Variants in HPSE2 observed in about 807,000 individuals in gnomAD.
HPSE2 encodes the protein heparanase 2 (inactive), also known as inactive heparanase-2.
HPSE2 carries 38 observed loss-of-function variants against 60.5 expected under a neutral mutation model. That is an observed-to-expected ratio of 0.63 (90% CI 0.48 to 0.82). HPSE2 has a LOEUF of 0.82. Among genes scored for constraint, HPSE2 ranks in the 40% least tolerant of loss-of-function variants. The pLI is 0.00. For synonymous variants in HPSE2, 295 were observed against 293.2 expected, an observed-to-expected ratio of 1.01 and a Z score of -0.06; for missense variants, 713 against 740.4, an observed-to-expected ratio of 0.96 and a Z score of 0.43.
chr10:98,521,813 A>T (rs1199675893), intron 9 of HPSE2, among the ~76,000 whole-genome samples: 1 of 152,208 alleles, frequency 6.6e-6, no homozygotes, highest in Non-Finnish European at 1.5e-5. Context: ...ATAAAAAAGG[A>T]TGAGTTCATG....
chr10:99,065,896 T>C (rs1305689350), intron 3 of HPSE2, among the ~76,000 whole-genome samples: 3 of 151,604 alleles, frequency 2.0e-5, no homozygotes, highest in Non-Finnish European at 4.4e-5. Flanking sequence ...TCATTTGGAA[T>C]ACTATTTCCC....
At chr10:99,005,344 CTTTTT>C (rs1285392296) in intron 3 of HPSE2, among the ~76,000 whole-genome samples, 1 of 152,006 alleles carries the variant, frequency 6.6e-6, no homozygotes, top group Non-Finnish European at 1.5e-5. Context: ...CACTCCTTTT[CTTTTT>C]AATTTTTATC....
In HPSE2 at chr10:98,641,779, AC is replaced by A. The variant is rs980882850; in HGVS notation, c.1098+67del. The A allele has an allele frequency of 3.4e-6, 4 of 1,185,984 alleles. No individual in the cohort carries two copies. In the African/African-American group the frequency reaches 6.0e-5, roughly 18 times the overall value. 73.5% of individuals were successfully genotyped at this position (1,185,984 alleles called of 1,614,324 possible). ...CCCACAGTGCTGATGCCCAGCTGGG[AC>A]TTTGTGTCTTTTTCCTTGTCTTACC... On this transcript the variant is annotated intron_variant, in intron 7 of 11. Coordinates refer to ENST00000370552, the MANE Select transcript of HPSE2 (RefSeq NM_021828.5).
intron 7 of HPSE2, among the ~76,000 whole-genome samples, chr10:98,622,784 AAAAG>A (rs1217909993): frequency 2.0e-5 from 3 of 152,196 alleles, no homozygotes; most frequent in African/African-American, 7.2e-5. Flanking sequence ...TATACACAAA[AAAAG>A]AAGAGTCGTT....
chr10:98,901,555 T>C (rs188462091), intron 3 of HPSE2, among the ~76,000 whole-genome samples: 1 of 152,260 alleles, frequency 6.6e-6, no homozygotes, highest in African/African-American at 2.4e-5. Flanking sequence ...GGTCAGAAAA[T>C]CTTTCCATGC....
intron 3 of HPSE2, among the ~76,000 whole-genome samples, chr10:98,944,053 G>A (rs1214358215): frequency 1.3e-5 from 2 of 152,162 alleles, no homozygotes; most frequent in Non-Finnish European, 2.9e-5. Flanking sequence ...ATGGGATAGG[G>A]TTGAGGACCA....
the HPSE2 span, among the ~76,000 whole-genome samples, chr10:99,314,736 T>C: frequency 2.6e-5 from 4 of 152,312 alleles, no homozygotes; most frequent in Admixed American, 2.6e-4. Context: ...TTTTATTTTA[T>C]TTTTAAATAT....
At chr10:98,703,149 T>G (rs1948455775) in intron 5 of HPSE2, among the ~76,000 whole-genome samples, 1 of 152,122 alleles carries the variant, frequency 6.6e-6, no homozygotes, top group African/African-American at 2.4e-5. Flanking sequence ...CAGAAAATGC[T>G]ATAAACACCT....
At chr10:98,796,278 T>C (rs571902507) in intron 3 of HPSE2, among the ~76,000 whole-genome samples, 16 of 152,098 alleles carry the variant, frequency 1.1e-4, no homozygotes, top group Middle Eastern at 3.4e-3. Flanking sequence ...TTTCCCTGGG[T>C]CAGAGAGGAG....
At chr10:99,170,835 C>T (rs560792714) in intron 2 of HPSE2, among the ~76,000 whole-genome samples, 1 of 152,184 alleles carries the variant, frequency 6.6e-6, no homozygotes, top group African/African-American at 2.4e-5. Context: ...GTTGATTCAA[C>T]CAACCACTGA....
At position 98,570,190 on chromosome 10, in the gene HPSE2, T is replaced by C. The variant is rs555946409; in HGVS notation, c.1320+44714A>G. On this transcript the variant is annotated intron_variant, in intron 9 of 11. Transcript: ENST00000370552. ...CTCTTTCCAAGGCCAGCTCTGAACATTCCTTCTCCTTGAAGGCAGTCTTCC... is the reference window on the plus strand; with the variant it reads ...CTCTTTCCAAGGCCAGCTCTGAACACTCCTTCTCCTTGAAGGCAGTCTTCC... Among the ~76,000 whole-genome samples, 39 of 152,314 alleles carry C rather than the reference T, an allele frequency of 2.6e-4. No homozygotes were observed. In the South Asian group the frequency reaches 6.4e-3, roughly 25 times the overall value.
chr10:99,139,049 A>G (rs1423657553), intron 3 of HPSE2, among the ~76,000 whole-genome samples: 6 of 152,188 alleles, frequency 3.9e-5, no homozygotes, highest in African/African-American at 9.7e-5. Context: ...GGGCCCATCA[A>G]TCAATAAGTG....
chr10:99,149,493 C>A (rs1052339670), intron 2 of HPSE2, among the ~76,000 whole-genome samples: 2 of 152,192 alleles, frequency 1.3e-5, no homozygotes, highest in African/African-American at 4.8e-5. Flanking sequence ...ACCACTAAAT[C>A]TCTCAATGCA....
intron 3 of HPSE2, among the ~76,000 whole-genome samples, chr10:98,822,410 T>C (rs879480888): frequency 5.9e-5 from 9 of 152,198 alleles, no homozygotes; most frequent in Admixed American, 5.9e-4. Context: ...AAGAATGTAT[T>C]ATATAATTTC....
chr10:98,729,322 A>G (rs922228448), intron 4 of HPSE2, among the ~76,000 whole-genome samples: 1 of 152,174 alleles, frequency 6.6e-6, no homozygotes, highest in South Asian at 2.1e-4. Context: ...AAGGTAGACT[A>G]TGTAGGCTGC....
the HPSE2 span, among the ~76,000 whole-genome samples, chr10:99,271,965 C>T: frequency 1.3e-5 from 2 of 152,180 alleles, no homozygotes; most frequent in Admixed American, 1.3e-4. Flanking sequence ...GGATCCTCTT[C>T]TCTCACATTA....
In HPSE2 at chr10:99,102,370, G is replaced by T. The variant is rs191722046; in HGVS notation, c.610+41868C>A. Among the ~76,000 whole-genome samples, 368 of 152,130 alleles carry T rather than the reference G, an allele frequency of 2.4e-3. 1 individual carries two copies. The highest frequency in any genetic ancestry group is 0.01 in the Middle Eastern group (3 of 294). On this transcript the variant is annotated intron_variant, in intron 3 of 11. Transcript: ENST00000370552. ...TATAAACACCTCTACGGAAATAAAC[G>T]AGAAAATCTAGAAGAAATGGATAAA...
chr10:98,944,018 G>A (rs1029108865), intron 3 of HPSE2, among the ~76,000 whole-genome samples: 2 of 152,156 alleles, frequency 1.3e-5, no homozygotes, highest in Non-Finnish European at 2.9e-5. Context: ...AATCATCTTT[G>A]ACTTTTTAAG....
chr10:98,909,127 G>A (rs979751355), intron 3 of HPSE2, among the ~76,000 whole-genome samples: 5 of 152,082 alleles, frequency 3.3e-5, no homozygotes, highest in Admixed American at 3.3e-4. Context: ...GGTTCCTGAC[G>A]CTTGAAAGAC....
Sources: gnomAD v4.1 joint callset for allele counts (sites outside exome capture counted in the v4.1 genomes callset) on GRCh38, gnomAD v4.1.1 for gene constraint, MANE v1.5 for transcripts, NCBI Gene and HGNC (gene_info 2026-07-23, HGNC 2026-07-21) for gene names.